The following TTC17 variants were observed in gnomAD, a reference collection of about 807,000 sequenced individuals.
The protein encoded by TTC17 is tetratricopeptide repeat domain 17, also known as tetratricopeptide repeat protein 17.
A neutral mutation model predicts 143.8 loss-of-function variants in TTC17; 58 were observed. The observed-to-expected ratio is 0.40, with a 90% CI of 0.33 to 0.50. The LOEUF (loss-of-function observed/expected upper bound fraction) is 0.50. TTC17 is among the 20% of genes least tolerant of loss of function. The pLI is 0.49. For synonymous variants in TTC17, 501 were observed against 497.8 expected (o/e 1.01, Z -0.09); for missense variants, 1,273 against 1,392.5 (o/e 0.91, Z 1.37).
rs756573432 is a variant in TTC17, at chr11:43,443,308, T to C, written c.2252-17T>C. 1.9e-6 allele frequency: 3 copies of C among 1,613,196 alleles called. No homozygotes were observed. On this transcript the variant is annotated splice_polypyrimidine_tract_variant and intron_variant, in intron 16 of 23. Transcript: ENST00000039989. ...TACTGTGTACCTTTTACTAACGTGC[T>C]GGCCCTTGAATTTCAGGTACGGTGG...
rs555625839 is a variant in TTC17 at position 43,372,427 on chromosome 11, C to T, written c.160-6806C>T. ...AAGCTATTCTCCTGCCTCAGCCTCC[C>T]GAGTAGCTGGGATTACAGGTACCTA... is the stretch of plus-strand genomic sequence containing the variant. On this transcript the variant is annotated intron_variant, in intron 1 of 23. Transcript: ENST00000039989. 7.2e-5 allele frequency among the ~76,000 whole-genome samples: 11 copies of T among 151,754 alleles called. No homozygotes were observed. In the South Asian group the frequency reaches 1.9e-3, roughly 26 times the overall value.
intron 21 of TTC17, 114 bp downstream of exon 21, chr11:43,451,379 GC>G: frequency 2.3e-6 from 2 of 861,376 alleles, no homozygotes; most frequent in Non-Finnish European, 1.9e-6. Flanking sequence ...GCACTTGGTG[GC>G]TAAAAGGATA....
intron 1 of TTC17, 35 bp downstream of exon 1, chr11:43,359,148 G>A (rs893959605): frequency 4.3e-5 from 66 of 1,541,090 alleles, no homozygotes; most frequent in Non-Finnish European, 5.7e-5. Context: ...TCCCGTGCCC[G>A]CCCTCGCCCC....
At chr11:43,451,343 C>T in intron 21 of TTC17, 78 bp downstream of exon 21, 2 of 1,353,260 alleles carry the variant, frequency 1.5e-6, no homozygotes, top group Non-Finnish European at 1.1e-6. Context: ...TCCTAAGTGT[C>T]TGTAACCTCT....
chr11:43,473,039 G>A (rs943612809), intron 21 of TTC17, among the ~76,000 whole-genome samples: 1 of 151,872 alleles, frequency 6.6e-6, no homozygotes, highest in African/African-American at 2.4e-5. Context: ...ACCATGTGCG[G>A]TGGTGCGTGC....
intron 2 of TTC17, among the ~76,000 whole-genome samples, chr11:43,381,115 T>C (rs1203406786): frequency 6.6e-6 from 1 of 152,144 alleles, no homozygotes; most frequent in Admixed American, 6.5e-5. Flanking sequence ...GAAAATGAAA[T>C]GAAAAATATT....
intron 8 of TTC17, among the ~76,000 whole-genome samples, chr11:43,398,324 A>T (rs1857705131): frequency 6.6e-6 from 1 of 152,230 alleles, no homozygotes; most frequent in East Asian, 1.9e-4. Flanking sequence ...GGATTCCTGC[A>T]ACTAGAGAAT....
At chr11:43,467,653 T>C (rs1343794733) in intron 21 of TTC17, among the ~76,000 whole-genome samples, 1 of 152,224 alleles carries the variant, frequency 6.6e-6, no homozygotes, top group Non-Finnish European at 1.5e-5. Flanking sequence ...ATAAATTTTA[T>C]GCGTTTTCAC....
intron 1 of TTC17, 86 bp from the exon 2 acceptor site, chr11:43,379,147 A>G (rs1856869653): frequency 8.1e-7 from 1 of 1,230,690 alleles, no homozygotes; most frequent in African/African-American, 1.5e-5. Flanking sequence ...GCGAATGAAC[A>G]ATAATTTAAA....
chr11:43,433,241 C>T (rs958997499), intron 16 of TTC17, among the ~76,000 whole-genome samples: 27 of 152,232 alleles, frequency 1.8e-4, no homozygotes, highest in Middle Eastern at 3.4e-3. Context: ...CCTCGTGATC[C>T]GCCTTCCTCA....
intron 21 of TTC17, among the ~76,000 whole-genome samples, chr11:43,484,611 T>G (rs1297513217): frequency 3.9e-5 from 6 of 152,120 alleles, no homozygotes; most frequent in Non-Finnish European, 5.9e-5. Context: ...GGTCTTTATA[T>G]GGAAAGGTAA....
chr11:43,454,242 G>T (rs1359682654), intron 21 of TTC17, among the ~76,000 whole-genome samples: 7 of 152,066 alleles, frequency 4.6e-5, no homozygotes, highest in South Asian at 2.1e-4. Context: ...GTAAGAAAAG[G>T]TTATCAGGTA....
chr11:43,407,372 T>G lies in TTC17; in HGVS notation c.1859T>G (p.Leu620Arg). The G allele has an allele frequency of 6.2e-7, 1 of 1,613,792 alleles. No homozygotes were observed. The highest frequency in any genetic ancestry group is 1.6e-4 in the Middle Eastern group (1 of 6,062). The change falls in exon 15 of 24, where the codon CTC becomes CGC. Residue 620 changes from leucine to arginine, a missense_variant. By Grantham distance (102) the Leu-to-Arg change is moderately radical (BLOSUM62 -2). Coordinates refer to ENST00000039989, the MANE Select transcript of TTC17 (RefSeq NM_018259.6). ...AINKPNAPIW[L>R]ILNEAGLYWR... is the part of the protein sequence containing the mutation. ...TTTCAGCCAAATGCTCCTATCTGGC[T>G]CATACTCAATGAAGCTGGACTATAC...
At chr11:43,490,455 C>G (rs532164757) in intron 22 of TTC17, 97 bp downstream of exon 22, 1 of 1,453,630 alleles carries the variant, frequency 6.9e-7, no homozygotes, top group Non-Finnish European at 9.1e-7. Context: ...TCATGCTCAG[C>G]CAGTGAGGAC....
Position 43,405,440 on chromosome 11 carries a change from A to G in TTC17, c.1480-74A>G, listed in dbSNP as rs1009185896. 13 of 1,098,814 alleles carry G rather than the reference A, an allele frequency of 1.2e-5. No individual in the cohort carries two copies. The Admixed American group carries it at 2.0e-4, about 17-fold the overall frequency. 68.1% of individuals were successfully genotyped at this position (1,098,814 alleles called of 1,614,324 possible). A position where few individuals can be genotyped will look rare whatever the true frequency, so the allele number is the denominator to read the frequency against. ...TTTTGTTCAATTATTGTAGTATATC[A>G]TTTTAAAAGTTTATTTAGCATATTG... On this transcript the variant is annotated intron_variant, in intron 11 of 23. Coordinates refer to ENST00000039989, the MANE Select transcript of TTC17 (RefSeq NM_018259.6).
intron 1 of TTC17, among the ~76,000 whole-genome samples, chr11:43,377,351 T>C (rs1856800554): frequency 6.6e-6 from 1 of 152,206 alleles, no homozygotes; most frequent in African/African-American, 2.4e-5. Flanking sequence ...CAGTCTGCCA[T>C]TGACTGAAAT....
At chr11:43,377,878 C>T (rs1250314636) in intron 1 of TTC17, among the ~76,000 whole-genome samples, 1 of 151,822 alleles carries the variant, frequency 6.6e-6, no homozygotes, top group Non-Finnish European at 1.5e-5. Flanking sequence ...ACTGGTTAGG[C>T]ATTTTGTTTT....
intron 1 of TTC17, among the ~76,000 whole-genome samples, chr11:43,372,702 G>A (rs1008541357): frequency 3.3e-5 from 5 of 151,872 alleles, no homozygotes; most frequent in Non-Finnish European, 7.4e-5. Context: ...TGTTAGACAG[G>A]CTAGTCTTGA....
chr11:43,488,298 A>C (rs1205243091), intron 21 of TTC17, among the ~76,000 whole-genome samples: 1 of 152,162 alleles, frequency 6.6e-6, no homozygotes, highest in South Asian at 2.1e-4. Context: ...AAATTAACAA[A>C]AATGTTATTG....
Sources: allele counts gnomAD v4.1 joint callset (sites outside exome capture counted in the v4.1 genomes callset), GRCh38; gene constraint gnomAD v4.1.1; transcripts MANE v1.5; gene names NCBI Gene and HGNC (gene_info 2026-07-23, HGNC 2026-07-21).